NFIA: variants seen among roughly 807,000 people sequenced by gnomAD.
NFIA encodes nuclear factor 1 A-type.
In NFIA, 8 loss-of-function variants were observed where a neutral mutation model predicts 62.8. The ratio of observed to expected loss-of-function variants is 0.13; its 90% CI spans 0.07 to 0.23. NFIA has a LOEUF of 0.23. Ranked by LOEUF, NFIA falls within the 10% of genes least tolerant of loss-of-function variation. NFIA has a pLI of 1.00. For missense variants in NFIA, 410 were observed against 642.1 expected (o/e 0.64, Z 3.91); for synonymous variants, 235 against 238.1 (o/e 0.99, Z 0.12).
chr1:61,329,949 T>C (rs1216241269), intron 3 of NFIA, among the ~76,000 whole-genome samples: 1 of 151,752 alleles, frequency 6.6e-6, no homozygotes, highest in Non-Finnish European at 1.5e-5. Context: ...CGCAGGAGGG[T>C]GATGGAGACA....
chr1:61,146,086 A>G (rs1210556069), intron 2 of NFIA, among the ~76,000 whole-genome samples: 1 of 152,140 alleles, frequency 6.6e-6, no homozygotes, highest in East Asian at 1.9e-4. Context: ...GCTCCAGGGG[A>G]GAACCTGTTC....
Position 61,378,615 on chromosome 1 carries a change from T to G in NFIA, c.947-4622T>G, listed in dbSNP as rs1664263027. ...GCAACTTGAAGCAACACACAGTTAT[T>G]AATATTATCTCACAGTTTCCATGGG... is the stretch of plus-strand genomic sequence containing the variant. On this transcript the variant is annotated intron_variant, in intron 6 of 10. Transcript: ENST00000403491. Among the ~76,000 whole-genome samples the G allele has an allele frequency of 2.0e-5, 3 of 152,206 alleles. No individual in the cohort carries two copies. In the South Asian group the frequency reaches 6.2e-4, roughly 31 times the overall value.
At chr1:61,171,442 TGTG>T (rs944485649) in intron 2 of NFIA, among the ~76,000 whole-genome samples, 1 of 152,240 alleles carries the variant, frequency 6.6e-6, no homozygotes, top group African/African-American at 2.4e-5. Flanking sequence ...ATCAAGTAAA[TGTG>T]GTGACATTTT....
At chr1:61,164,154 A>G (rs550816065) in intron 2 of NFIA, among the ~76,000 whole-genome samples, 1 of 152,248 alleles carries the variant, frequency 6.6e-6, no homozygotes, top group Admixed American at 6.5e-5. Context: ...TTATTTGCTC[A>G]CTAATACCAA....
chr1:61,413,047 T>G (rs1211822712), intron 9 of NFIA, among the ~76,000 whole-genome samples: 1 of 152,192 alleles, frequency 6.6e-6, no homozygotes, highest in Admixed American at 6.5e-5. Context: ...CATGCATATT[T>G]TTTTAATTAA....
chr1:61,365,800 T>G (rs1663554813), intron 6 of NFIA, among the ~76,000 whole-genome samples: 1 of 152,124 alleles, frequency 6.6e-6, no homozygotes, highest in South Asian at 2.1e-4. Context: ...TTATGACAGA[T>G]GAGGTAATGA....
intron 2 of NFIA, among the ~76,000 whole-genome samples, chr1:61,127,312 C>T (rs1325301925): frequency 1.3e-5 from 2 of 151,788 alleles, no homozygotes; most frequent in East Asian, 3.9e-4. Flanking sequence ...AAAAAATTAG[C>T]CGGGCATGGT....
Position 61,455,245 on chromosome 1 carries a change from T to C in NFIA, c.1513-58T>C. 1.9e-6 allele frequency: 3 copies of C among 1,603,272 alleles called. No homozygotes were observed. The Admixed American group carries it at 5.0e-5, about 27-fold the overall frequency. On this transcript the variant is annotated intron_variant, in intron 10 of 10. Transcript: ENST00000403491. ...ATTTCGTGGTTGAAAAGGCAACTTC[T>C]AAAACACACGTTTTTACAAATTGTG...
chr1:61,106,894 G>GT (rs1030198730), intron 2 of NFIA, among the ~76,000 whole-genome samples: 3 of 150,682 alleles, frequency 2.0e-5, no homozygotes, highest in Admixed American at 6.6e-5. Context: ...ATATTGTTCA[G>GT]TTTTGCTTGT....
intron 5 of NFIA, among the ~76,000 whole-genome samples, chr1:61,355,639 G>T (rs992518335): frequency 6.6e-6 from 1 of 151,790 alleles, no homozygotes; most frequent in Non-Finnish European, 1.5e-5. Context: ...CAAGGTGAGT[G>T]CAGTGATCAT....
intron 3 of NFIA, among the ~76,000 whole-genome samples, chr1:61,284,080 G>T (rs1658329497): frequency 1.3e-5 from 2 of 152,104 alleles, no homozygotes; most frequent in Admixed American, 6.5e-5. Context: ...GTTCTTCTCT[G>T]CAGTGTTCCT....
At chr1:61,146,408 A>G (rs181954880) in intron 2 of NFIA, among the ~76,000 whole-genome samples, 1 of 152,182 alleles carries the variant, frequency 6.6e-6, no homozygotes. Flanking sequence ...GCTGCTAAGG[A>G]GCAGGTTTTA....
chr1:61,446,658 G>T (rs1364020243), intron 10 of NFIA, among the ~76,000 whole-genome samples: 1 of 152,196 alleles, frequency 6.6e-6, no homozygotes, highest in African/African-American at 2.4e-5. Flanking sequence ...GTTGGTTTGG[G>T]AATTCATTTC....
chr1:61,282,366 T>C (rs1658188276), intron 3 of NFIA, among the ~76,000 whole-genome samples: 1 of 152,212 alleles, frequency 6.6e-6, no homozygotes, highest in African/African-American at 2.4e-5. Context: ...TTAAGCCTTA[T>C]TTGTTGGACT....
intron 3 of NFIA, among the ~76,000 whole-genome samples, chr1:61,306,041 A>T (rs1376639988): frequency 6.6e-6 from 1 of 151,152 alleles, no homozygotes; most frequent in Non-Finnish European, 1.5e-5. Context: ...TATTAGAGAC[A>T]GAGTTTCACC....
intron 2 of NFIA, among the ~76,000 whole-genome samples, chr1:61,234,909 A>G (rs1654898944): frequency 6.6e-6 from 1 of 152,220 alleles, no homozygotes; most frequent in Admixed American, 6.5e-5. Context: ...CTAAAAACAC[A>G]ATAGCTGCGA....
chr1:61,246,650 T>G (rs1478073054), intron 2 of NFIA, among the ~76,000 whole-genome samples: 1 of 152,284 alleles, frequency 6.6e-6, no homozygotes, highest in Non-Finnish European at 1.5e-5. Context: ...TTGTCCATAA[T>G]ATCCCCTTCA....
intron 2 of NFIA, among the ~76,000 whole-genome samples, chr1:61,224,204 C>T (rs974868572): frequency 1.3e-5 from 2 of 151,988 alleles, no homozygotes; most frequent in Non-Finnish European, 2.9e-5. Context: ...TTGAACTTAA[C>T]TTTTCAATTT....
intron 3 of NFIA, among the ~76,000 whole-genome samples, chr1:61,286,761 T>C (rs895040633): frequency 9.2e-5 from 14 of 152,112 alleles, no homozygotes; most frequent in Non-Finnish European, 2.1e-4. Context: ...TAAGGCAATA[T>C]AAGGGATTAA....
Sources: gnomAD v4.1 joint callset for allele counts (sites outside exome capture counted in the v4.1 genomes callset) on GRCh38, gnomAD v4.1.1 for gene constraint, MANE v1.5 for transcripts, NCBI Gene and HGNC (gene_info 2026-07-23, HGNC 2026-07-21) for gene names.